TMEM132B: variants seen among roughly 807,000 people sequenced by gnomAD.
The protein encoded by TMEM132B is transmembrane protein 132B.
TMEM132B carries 18 observed loss-of-function variants against 90.8 expected under a neutral mutation model. That is an observed-to-expected ratio of 0.20 (90% confidence interval 0.14 to 0.29). The LOEUF is 0.29. Ranked by LOEUF, TMEM132B falls within the 10% of genes least tolerant of loss-of-function variation. The pLI is 1.00. For missense variants in TMEM132B, 1,096 were observed against 1,326.8 expected (o/e 0.83, Z 2.70); for synonymous variants, 504 against 523.3 (o/e 0.96, Z 0.50).
At position 125,400,545 on chromosome 12, in the gene TMEM132B, C is replaced by T. The variant is rs77242338; in HGVS notation, c.960-14986C>T. On this transcript the variant is annotated intron_variant, in intron 2 of 8. Coordinates refer to ENST00000682704, the MANE Select transcript of TMEM132B (RefSeq NM_001366854.1). ...GAGCATGTAAGACTGGAGTCCCCAC[C>T]TGCTCCATGGTCATCTTGGCAGGCC... is the stretch of plus-strand genomic sequence containing the variant. Among the ~76,000 whole-genome samples, 1,354 of 152,326 alleles carry T rather than the reference C, an allele frequency of 8.9e-3. 24 individuals are homozygous for T. Among genetic ancestry groups the T allele is most frequent in the African/African-American group, 0.029 (1,222 of 41,560 alleles).
intron 5 of TMEM132B, among the ~76,000 whole-genome samples, chr12:125,597,544 ATCTT>A (rs1885468769): frequency 6.6e-6 from 1 of 152,254 alleles, no homozygotes; most frequent in African/African-American, 2.4e-5. Context: ...CACTGTATCT[ATCTT>A]TGTATATTAC....
At chr12:125,273,421 T>C (rs1416172067) in intron 1 of TMEM132B, among the ~76,000 whole-genome samples, 1 of 151,878 alleles carries the variant, frequency 6.6e-6, no homozygotes, top group Non-Finnish European at 1.5e-5. Flanking sequence ...ACCTCATCTG[T>C]ACAAAAAATA....
At chr12:125,360,969 G>C (rs921161524) in intron 2 of TMEM132B, among the ~76,000 whole-genome samples, 5 of 152,076 alleles carry the variant, frequency 3.3e-5, no homozygotes, top group African/African-American at 1.2e-4. Context: ...TGTACAGTGA[G>C]AGTAGTAATA....
At position 125,613,501 on chromosome 12, in the gene TMEM132B, A is replaced by G. The variant is rs139194522; in HGVS notation, c.1437+29507A>G. On this transcript the variant is annotated intron_variant, in intron 5 of 8. Transcript: ENST00000682704. ...TTTTCTACTTTACTCTGTTTCCTGT[A>G]TGTCTCATATCACTTAAATTTTCTA... Among the ~76,000 whole-genome samples, 1,241 of 151,580 alleles carry G rather than the reference A, an allele frequency of 8.2e-3. 17 individuals are homozygous for G. Among genetic ancestry groups the G allele is most frequent in the African/African-American group, 0.027 (1,112 of 41,428 alleles).
Position 125,654,148 on chromosome 12 carries a change from G to A in TMEM132B, c.2690G>A (p.Arg897Lys). ...CCTAGTGACCTCACAGTGACCTCAAGGGGGCTAACGGACTTGGAGATTGGC... is the reference window on the plus strand; with the variant it reads ...CCTAGTGACCTCACAGTGACCTCAAAGGGGCTAACGGACTTGGAGATTGGC... ...NNPSDLTVTS[R>K]GLTDLEIGMY... Residue 897 changes from arginine to lysine, a missense_variant, in exon 9 of 9, where the codon AGG becomes AAG. Arg to Lys is a conservative substitution (Grantham distance 26). Coordinates refer to ENST00000682704, the MANE Select transcript of TMEM132B (RefSeq NM_001366854.1). The surrounding 1 kb of genome is among the most constrained non-coding windows in gnomAD (Gnocchi z 5.8). The A allele has an allele frequency of 6.2e-7, 1 of 1,614,220 alleles. No individual in the cohort carries two copies. The highest frequency in any genetic ancestry group is 8.5e-7 in the Non-Finnish European group (1 of 1,180,044).
At chr12:125,295,969 G>A (rs1329818812) in intron 1 of TMEM132B, among the ~76,000 whole-genome samples, 1 of 152,188 alleles carries the variant, frequency 6.6e-6, no homozygotes, top group Non-Finnish European at 1.5e-5. Context: ...ATATGAGTAT[G>A]CTTTTTCTCC....
intron 1 of TMEM132B, among the ~76,000 whole-genome samples, chr12:125,344,995 C>G (rs974877221): frequency 6.6e-6 from 1 of 152,132 alleles, no homozygotes; most frequent in Admixed American, 6.5e-5. Context: ...CCTTTTGGCT[C>G]CTGGCCTTCA....
At chr12:125,457,184 G>A (rs1387621438) in intron 3 of TMEM132B, among the ~76,000 whole-genome samples, 3 of 152,156 alleles carry the variant, frequency 2.0e-5, no homozygotes, top group African/African-American at 7.2e-5. Context: ...TGATGGACAG[G>A]GAGTGACCCA....
intron 2 of TMEM132B, among the ~76,000 whole-genome samples, chr12:125,391,622 G>A (rs542371503): frequency 4.7e-4 from 71 of 152,224 alleles, no homozygotes; most frequent in African/African-American, 1.7e-3. Context: ...CAGTCTGTGT[G>A]CGTGGACAGT....
intron 1 of TMEM132B, among the ~76,000 whole-genome samples, chr12:125,245,933 G>T (rs918550242): frequency 2.0e-5 from 3 of 152,182 alleles, no homozygotes; most frequent in African/African-American, 7.2e-5. Context: ...GCCTCCCTGG[G>T]GATACCTGAG....
chr12:125,320,620 AG>A (rs1372395152), intron 1 of TMEM132B, among the ~76,000 whole-genome samples: 5 of 152,126 alleles, frequency 3.3e-5, no homozygotes, highest in Non-Finnish European at 5.9e-5. Flanking sequence ...CCTGTGTTTA[AG>A]TACAGGAACG....
chr12:125,443,622 G>A (rs1880932881), intron 3 of TMEM132B, among the ~76,000 whole-genome samples: 5 of 152,100 alleles, frequency 3.3e-5, no homozygotes. Context: ...TGTTTTCTTG[G>A]TAACAGTTTC....
chr12:125,245,132 A>G (rs1438685724), intron 1 of TMEM132B, among the ~76,000 whole-genome samples: 15 of 152,124 alleles, frequency 9.9e-5, no homozygotes, highest in Non-Finnish European at 1.5e-5. Context: ...GGCAACAACA[A>G]AAGTACTTTT....
chr12:125,332,847 C>T (rs1876827448), intron 1 of TMEM132B, among the ~76,000 whole-genome samples: 1 of 151,586 alleles, frequency 6.6e-6, no homozygotes, highest in South Asian at 2.1e-4. Flanking sequence ...TAATGAACTG[C>T]CTTAAAAAAC....
At chr12:125,386,583 G>A (rs143751333) in intron 2 of TMEM132B, among the ~76,000 whole-genome samples, 13 of 152,160 alleles carry the variant, frequency 8.5e-5, no homozygotes, top group African/African-American at 1.7e-4. Flanking sequence ...CTACTTGTTC[G>A]TTTGTTACAG....
At position 125,625,257 on chromosome 12, in the gene TMEM132B, T is replaced by C. The variant is rs1045384366; in HGVS notation, c.1438-18819T>C. The stretch of plus-strand genomic sequence containing the variant: ...ACGCCATTCTCCTGCCTCAGCTTCC[T>C]GAGTAGCTGGGACTACAGGCGCCCG... On this transcript the variant is annotated intron_variant, in intron 5 of 8. Coordinates refer to ENST00000682704, the MANE Select transcript of TMEM132B (RefSeq NM_001366854.1). Among the ~76,000 whole-genome samples, 46 of 151,004 alleles carry C rather than the reference T, an allele frequency of 3.0e-4. 1 individual carries two copies. Among genetic ancestry groups the C allele is most frequent in the African/African-American group, 1.1e-3 (45 of 41,116 alleles).
Position 125,396,830 on chromosome 12 carries a change from A to G in TMEM132B, c.960-18701A>G, listed in dbSNP as rs141148856. ...GGCCAGTACTGTCATTAATATGCCC[A>G]ATTTTACAGGTGAGGAAACAGAGGC... On this transcript the variant is annotated intron_variant, in intron 2 of 8. Transcript: ENST00000682704. Among the ~76,000 whole-genome samples the G allele has an allele frequency of 2.6e-3, 390 of 152,288 alleles. 3 individuals carry two copies. Among genetic ancestry groups the G allele is most frequent in the African/African-American group, 8.8e-3 (365 of 41,566 alleles).
rs775229435 is a variant in TMEM132B, at chr12:125,654,593, C to T, written c.3135C>T (p.Tyr1045=). ...TTILPEDGGP[Y]TNSILFDSDD... ...TCCTCCCAGAGGACGGCGGCCCATACACCAACTCCATCCTGTTTGACAGCG... is the reference window on the plus strand; with the variant it reads ...TCCTCCCAGAGGACGGCGGCCCATATACCAACTCCATCCTGTTTGACAGCG... Residue 1045 remains tyrosine, a synonymous_variant, in exon 9 of 9, where the codon TAC becomes TAT. Coordinates refer to ENST00000682704, the MANE Select transcript of TMEM132B (RefSeq NM_001366854.1). This position sits in a 1 kb window ranked among gnomAD's most constrained non-coding sequence, Gnocchi z 5.8. The T allele has an allele frequency of 1.2e-6, 2 of 1,614,218 alleles. No individual in the cohort carries two copies. The highest frequency in any genetic ancestry group is 1.7e-6 in the Non-Finnish European group (2 of 1,180,038).
chr12:125,546,353 T>G (rs1030750723), intron 4 of TMEM132B, among the ~76,000 whole-genome samples: 17 of 152,148 alleles, frequency 1.1e-4, no homozygotes, highest in African/African-American at 4.1e-4. Context: ...CGGCTAATTT[T>G]TTGTATTTTT....
Sources: allele counts gnomAD v4.1 joint callset (sites outside exome capture counted in the v4.1 genomes callset), GRCh38; gene constraint gnomAD v4.1.1; non-coding constraint Gnocchi (gnomAD v3.1); transcripts MANE v1.5; gene names NCBI Gene and HGNC (gene_info 2026-07-23, HGNC 2026-07-21).